STX2: variants seen among roughly 807,000 people sequenced by gnomAD.
STX2 encodes the protein syntaxin-2.
A neutral mutation model predicts 40.6 loss-of-function variants in STX2; 27 were observed. That is an observed-to-expected ratio of 0.66 (90% CI 0.49 to 0.92). The LOEUF is 0.92. Among genes scored for constraint, STX2 ranks in the 40% least tolerant of loss-of-function variants. The pLI is 0.00. For synonymous variants in STX2, 123 were observed against 119.1 expected, an observed-to-expected ratio of 1.03 and a Z score of -0.22; for missense variants, 328 against 366.1, an observed-to-expected ratio of 0.90 and a Z score of 0.85.
chr12:130,839,113 G>A lies in STX2; in HGVS notation c.-14C>T. 1 of 1,267,468 alleles carries A rather than the reference G, an allele frequency of 7.9e-7. No individual in the cohort carries two copies. The highest frequency in any genetic ancestry group is 9.9e-7 in the Non-Finnish European group (1 of 1,006,136). 78.5% of individuals were successfully genotyped at this position (1,267,468 alleles called of 1,614,324 possible). ...CCGGTCCCGCATCCCCGCCGGCCGG[G>A]CAGCGCGCCCCGCCGCTCAAGCCTG... On this transcript the variant is annotated 5_prime_UTR_variant, in exon 1 of 11. Transcript: ENST00000392373.
chr12:130,806,516 T>C (rs896257741), intron 6 of STX2, among the ~76,000 whole-genome samples: 2 of 152,062 alleles, frequency 1.3e-5, no homozygotes, highest in East Asian at 3.9e-4. Flanking sequence ...CCAACCTTTA[T>C]CCCTGAAACA....
At chr12:130,838,222 T>C (rs1238584202) in intron 1 of STX2, among the ~76,000 whole-genome samples, 1 of 152,262 alleles carries the variant, frequency 6.6e-6, no homozygotes, top group African/African-American at 2.4e-5. Flanking sequence ...CTACTTCTGC[T>C]GGCCTAAGCC....
At chr12:130,831,600 T>C (rs2136354981) in intron 1 of STX2, among the ~76,000 whole-genome samples, 1 of 152,232 alleles carries the variant, frequency 6.6e-6, no homozygotes, top group East Asian at 1.9e-4. Context: ...ATGGTGCCAC[T>C]CCAGCCTGGC....
At chr12:130,811,729 C>T (rs1317025804) in intron 4 of STX2, among the ~76,000 whole-genome samples, 2 of 151,878 alleles carry the variant, frequency 1.3e-5, no homozygotes, top group East Asian at 1.9e-4. Flanking sequence ...TTAGTAGAGA[C>T]GGGGTTTCAC....
chr12:130,796,930 G>C (rs1951047822), intron 9 of STX2, among the ~76,000 whole-genome samples: 1 of 152,168 alleles, frequency 6.6e-6, no homozygotes, highest in Non-Finnish European at 1.5e-5. Flanking sequence ...GGCTCCGCGG[G>C]AATAAATGCA....
At chr12:130,801,557 A>G in intron 6 of STX2, 69 bp from the exon 7 acceptor site, 6 of 1,449,362 alleles carry the variant, frequency 4.1e-6, no homozygotes, top group Non-Finnish European at 3.7e-6. Context: ...ATTTGCAACC[A>G]TAAGTTAGCA....
chr12:130,833,040 A>G (rs1305832602), intron 1 of STX2, among the ~76,000 whole-genome samples: 1 of 152,166 alleles, frequency 6.6e-6, no homozygotes, highest in African/African-American at 2.4e-5. Context: ...GCTGCTGTCT[A>G]TCTCCCAGCT....
chr12:130,835,843 A>G (rs1952739336), intron 1 of STX2, among the ~76,000 whole-genome samples: 1 of 152,190 alleles, frequency 6.6e-6, no homozygotes, highest in Non-Finnish European at 1.5e-5. Context: ...GTTGCTCAAA[A>G]ACAGCATCAC....
At chr12:130,818,737 G>C (rs1951993685) in intron 3 of STX2, among the ~76,000 whole-genome samples, 1 of 152,218 alleles carries the variant, frequency 6.6e-6, no homozygotes, top group African/African-American at 2.4e-5. Context: ...ACGGCTGAGG[G>C]AACAGGAAGC....
At chr12:130,838,985 C>A in intron 1 of STX2, 85 bp downstream of exon 1, 1 of 1,142,540 alleles carries the variant, frequency 8.8e-7, no homozygotes, top group South Asian at 2.5e-5. Context: ...CTCCCGGAGC[C>A]CCGCCCAAGA....
chr12:130,798,250 C>CAAA, intron 9 of STX2: 5 of 147,110 alleles, frequency 3.4e-5, no homozygotes, highest in Middle Eastern at 2.9e-3. Flanking sequence ...AACTCCAATT[C>CAAA]AAAAAAAAAA....
At chr12:130,830,407 C>T (rs564690326) in intron 1 of STX2, among the ~76,000 whole-genome samples, 3 of 151,702 alleles carry the variant, frequency 2.0e-5, no homozygotes, top group Admixed American at 1.3e-4. Context: ...CCATGCTGCG[C>T]GATGCACCCC....
rs192325202 is a variant in STX2 at position 130,813,932 on chromosome 12, A to G, written c.206-901T>C. Among the ~76,000 whole-genome samples the G allele has an allele frequency of 2.6e-3, 398 of 152,334 alleles. 3 individuals are homozygous for G. Among genetic ancestry groups the G allele is most frequent in the Middle Eastern group, 0.017 (5 of 294 alleles). Reference sequence around the variant, plus strand: ...TCAATCTCACACGCATCAGCCGGGGAAAAGGCAAACGTTTCTGCCGTAGAC... The same window carrying G: ...TCAATCTCACACGCATCAGCCGGGGGAAAGGCAAACGTTTCTGCCGTAGAC... On this transcript the variant is annotated intron_variant, in intron 3 of 10. Transcript: ENST00000392373.
intron 1 of STX2, among the ~76,000 whole-genome samples, chr12:130,834,491 C>G (rs1952689783): frequency 6.6e-6 from 1 of 152,112 alleles, no homozygotes; most frequent in African/African-American, 2.4e-5. Context: ...AGGAGCAAAT[C>G]CTGCCACCAC....
At chr12:130,832,615 A>G (rs1226459927) in intron 1 of STX2, among the ~76,000 whole-genome samples, 1 of 152,222 alleles carries the variant, frequency 6.6e-6, no homozygotes. Flanking sequence ...AATGAGGATC[A>G]GAACTGACAT....
At position 130,794,673 on chromosome 12, in the gene STX2, AT is replaced by A. The variant is rs564623002; in HGVS notation, c.*45+1321del. 4.1e-4 allele frequency among the ~76,000 whole-genome samples: 61 copies of A among 147,836 alleles called. No individual in the cohort carries two copies. In the South Asian group the frequency reaches 7.5e-3, roughly 18 times the overall value. The stretch of plus-strand genomic sequence containing the variant: ...GCCACCATGCCCAATTAGTTTTTGG[AT>A]TTTTTTTTTTCTGTAGAGACAGGGT... On this transcript the variant is annotated intron_variant, in intron 10 of 10. Transcript: ENST00000392373.
rs544548381 is a variant in STX2, at chr12:130,790,630, T to A, written c.*1393A>T. On this transcript the variant is annotated 3_prime_UTR_variant, in exon 11 of 11. Transcript: ENST00000392373. ...GCAAAACATTAGGTACTTAACAACA[T>A]GTATGTGGATCTGTACAATAGTTTA... The A allele has an allele frequency of 1.9e-4, 29 of 152,372 alleles. 1 individual carries two copies. The highest frequency in any genetic ancestry group is 6.3e-4 in the African/African-American group (26 of 41,580). The allele number at this position is 152,372 out of a possible 1,614,324, so 9.4% of individuals were successfully genotyped here.
At chr12:130,814,741 A>G (rs1238537327) in intron 3 of STX2, among the ~76,000 whole-genome samples, 2 of 140,658 alleles carry the variant, frequency 1.4e-5, no homozygotes, top group Non-Finnish European at 1.5e-5. Context: ...GGTTCAAGCG[A>G]TTCTCCTGCC....
At chr12:130,792,379 A>C (rs1040485984) in intron 10 of STX2, among the ~76,000 whole-genome samples, 1 of 152,228 alleles carries the variant, frequency 6.6e-6, no homozygotes, top group African/African-American at 2.4e-5. Context: ...TTTAATCATA[A>C]TAAAACTCCA....
Sources: gnomAD v4.1 joint callset for allele counts (sites outside exome capture counted in the v4.1 genomes callset) on GRCh38, gnomAD v4.1.1 for gene constraint, MANE v1.5 for transcripts, NCBI Gene and HGNC (gene_info 2026-07-23, HGNC 2026-07-21) for gene names.